Variants in TRMT11 observed in about 807,000 individuals in gnomAD.
TRMT11 encodes tRNA methyltransferase 11.
Under a neutral mutation model 62.8 loss-of-function variants are expected in TRMT11, and 53 were observed. The observed-to-expected ratio is 0.84, with a 90% CI of 0.68 to 1.06. The LOEUF is 1.06. TRMT11 is among the 50% of genes least tolerant of loss of function. The pLI, the probability that TRMT11 is intolerant of heterozygous loss-of-function variation, is 0.00. For synonymous variants in TRMT11, 188 were observed against 190.3 expected, an observed-to-expected ratio of 0.99 and a Z score of 0.10; for missense variants, 556 against 553.4, an observed-to-expected ratio of 1.00 and a Z score of -0.05.
At chr6:126,045,379 A>C (rs989569258) in intron 16 of TRMT11, among the ~76,000 whole-genome samples, 1 of 152,126 alleles carries the variant, frequency 6.6e-6, no homozygotes, top group Non-Finnish European at 1.5e-5. Flanking sequence ...ATGCTGACAG[A>C]CACATAGCTT....
upstream of TRMT11, among the ~76,000 whole-genome samples, chr6:126,173,186 C>A (rs957495016): frequency 6.6e-6 from 1 of 152,112 alleles, no homozygotes; most frequent in African/African-American, 2.4e-5. Flanking sequence ...AGTTCTCTTG[C>A]CCTTGCTAAG....
At chr6:126,214,948 A>G in the TRMT11 span, among the ~76,000 whole-genome samples, 1 of 151,934 alleles carries the variant, frequency 6.6e-6, no homozygotes, top group Non-Finnish European at 1.5e-5. Flanking sequence ...ATTTGTTTCA[A>G]GAAATTTCTC....
chr6:126,164,498 A>G (rs776832966), intron 21 of TRMT11, among the ~76,000 whole-genome samples: 21 of 152,118 alleles, frequency 1.4e-4, no homozygotes, highest in Non-Finnish European at 2.2e-4. Flanking sequence ...GGTCCACTTG[A>G]TCCAGAGCTG....
intron 17 of TRMT11, among the ~76,000 whole-genome samples, chr6:126,093,149 A>T (rs1777295405): frequency 6.6e-6 from 1 of 152,196 alleles, no homozygotes. Flanking sequence ...CCAAGTCCAA[A>T]CATAATTTAG....
chr6:126,256,983 T>G, the TRMT11 span, among the ~76,000 whole-genome samples: 17 of 152,124 alleles, frequency 1.1e-4, no homozygotes, highest in Admixed American at 6.5e-4. Flanking sequence ...CCTCCCAGTT[T>G]CTAGTGATTC....
chr6:126,110,578 C>G (rs1194773240), intron 17 of TRMT11, among the ~76,000 whole-genome samples: 1 of 152,088 alleles, frequency 6.6e-6, no homozygotes, highest in East Asian at 1.9e-4. Flanking sequence ...AGCAATGTTT[C>G]TGGATACCAT....
At chr6:126,185,879 A>G (rs1026520197) in intron 1 of TRMT11, among the ~76,000 whole-genome samples, 1 of 152,120 alleles carries the variant, frequency 6.6e-6, no homozygotes, top group Non-Finnish European at 1.5e-5. Flanking sequence ...TTATAAAACC[A>G]TCAGATCTCA....
chr6:126,113,447 G>C (rs1228380499), intron 18 of TRMT11, among the ~76,000 whole-genome samples: 5 of 152,048 alleles, frequency 3.3e-5, no homozygotes, highest in African/African-American at 1.2e-4. Flanking sequence ...GTGAGTTCCT[G>C]ATCTGACTCA....
At chr6:126,160,030 T>C (rs941909935) in intron 21 of TRMT11, among the ~76,000 whole-genome samples, 6 of 152,202 alleles carry the variant, frequency 3.9e-5, no homozygotes, top group Admixed American at 3.3e-4. Context: ...TGTTTTAACA[T>C]ACTCTTCCCT....
At chr6:126,011,655 C>G (rs1794221500) in intron 9 of TRMT11, among the ~76,000 whole-genome samples, 1 of 151,938 alleles carries the variant, frequency 6.6e-6, no homozygotes, top group East Asian at 1.9e-4. Context: ...CCTGTTATAT[C>G]CTTTTATATT....
At chr6:126,247,240 C>A in the TRMT11 span, among the ~76,000 whole-genome samples, 1 of 152,106 alleles carries the variant, frequency 6.6e-6, no homozygotes, top group Non-Finnish European at 1.5e-5. Flanking sequence ...AGAGAGAGCC[C>A]AGACTAGCAA....
chr6:126,177,745 TC>T (rs1373086774), intron 1 of TRMT11, among the ~76,000 whole-genome samples: 3 of 152,216 alleles, frequency 2.0e-5, no homozygotes, highest in Non-Finnish European at 4.4e-5. Context: ...ACCTTTTTTT[TC>T]AACTCTTTGC....
At chr6:126,124,911 A>G (rs1777697554) in intron 21 of TRMT11, among the ~76,000 whole-genome samples, 1 of 152,132 alleles carries the variant, frequency 6.6e-6, no homozygotes, top group Admixed American at 6.6e-5. Flanking sequence ...CACCATCCTC[A>G]GATGCAAATC....
chr6:126,075,070 G>T (rs184571204), intron 17 of TRMT11, among the ~76,000 whole-genome samples: 1 of 151,992 alleles, frequency 6.6e-6, no homozygotes, highest in Admixed American at 6.6e-5. Flanking sequence ...TCAGGGTGTC[G>T]AGTTTCTGCT....
At chr6:126,093,856 A>T (rs1264918586) in intron 17 of TRMT11, among the ~76,000 whole-genome samples, 1 of 151,826 alleles carries the variant, frequency 6.6e-6, no homozygotes, top group Non-Finnish European at 1.5e-5. Context: ...GCCTATAAAA[A>T]TAAATTCCAT....
chr6:126,262,394 TGA>T, the TRMT11 span, among the ~76,000 whole-genome samples: 1 of 152,160 alleles, frequency 6.6e-6, no homozygotes, highest in South Asian at 2.1e-4. Context: ...TGTATGGACT[TGA>T]GCACCAGAGT....
chr6:126,126,773 C>T (rs1301849886), intron 21 of TRMT11, among the ~76,000 whole-genome samples: 1 of 152,062 alleles, frequency 6.6e-6, no homozygotes, highest in Non-Finnish European at 1.5e-5. Context: ...TTAAACCACC[C>T]CTCCTAAGAT....
Position 126,038,609 on chromosome 6 carries a change from A to C in TRMT11, c.1261-96A>C, listed in dbSNP as rs1583830113. 6.7e-6 allele frequency: 7 copies of C among 1,045,450 alleles called. No homozygotes were observed. The East Asian group carries it at 1.8e-4, about 27-fold the overall frequency. The allele number at this position is 1,045,450 out of a possible 1,614,324, so 64.8% of individuals were successfully genotyped here. A position where few individuals can be genotyped will look rare whatever the true frequency, so the allele number is the denominator to read the frequency against. On this transcript the variant is annotated intron_variant, in intron 12 of 12. Transcript: ENST00000334379. ...GAAGATAAATATGCACTAGAGAGTG[A>C]GATTTTGCTTAAGATTTTGCTTAAG...
At chr6:126,014,354 G>T (rs1018363071) in intron 11 of TRMT11, among the ~76,000 whole-genome samples, 1 of 152,040 alleles carries the variant, frequency 6.6e-6, no homozygotes, top group Non-Finnish European at 1.5e-5. Context: ...GGGTTCAAGC[G>T]ATACTCCCAC....
Sources: gnomAD v4.1 joint callset for allele counts (sites outside exome capture counted in the v4.1 genomes callset) on GRCh38, gnomAD v4.1.1 for gene constraint, MANE v1.5 for transcripts, NCBI Gene and HGNC (gene_info 2026-07-23, HGNC 2026-07-21) for gene names.